Variants in DIP2B observed in about 807,000 individuals in gnomAD.
DIP2B encodes DIP2 acetate--CoA ligase B (putative).
A neutral mutation model predicts 198.0 loss-of-function variants in DIP2B; 76 were observed. The ratio of observed to expected loss-of-function variants is 0.38; its 90% CI spans 0.32 to 0.46. DIP2B has a LOEUF of 0.46. Ranked by LOEUF, DIP2B falls within the 20% of genes least tolerant of loss-of-function variation. The probability of loss-of-function intolerance (pLI) is 0.99; values close to 1 mark genes in which losing one functional copy is unlikely to be tolerated. For missense variants in DIP2B, 1,559 were observed against 1,978.4 expected (o/e 0.79, Z 4.02); for synonymous variants, 701 against 739.1 (o/e 0.95, Z 0.84).
At chr12:50,615,459 AG>A (rs1295098994) in intron 1 of DIP2B, among the ~76,000 whole-genome samples, 3 of 152,206 alleles carry the variant, frequency 2.0e-5, no homozygotes, top group Non-Finnish European at 4.4e-5. Flanking sequence ...TAGCATCCAA[AG>A]GCACTAACTT....
At chr12:50,663,904 A>G (rs982033037) in intron 4 of DIP2B, among the ~76,000 whole-genome samples, 12 of 151,818 alleles carry the variant, frequency 7.9e-5, no homozygotes, top group African/African-American at 2.9e-4. Flanking sequence ...AGCAAACAAA[A>G]AGTTGTACCA....
Position 50,686,591 on chromosome 12 carries a change from G to A in DIP2B, c.1460G>A (p.Trp487Ter). The A allele has an allele frequency of 6.2e-7, 1 of 1,613,984 alleles. No individual in the cohort carries two copies. Among genetic ancestry groups the A allele is most frequent in the Non-Finnish European group, 8.5e-7 (1 of 1,179,974 alleles). ...VQFKGWPRLK[W>*]VVTDSKYLSK... ...GATTTAGGTTGGCCCCGGCTCAAAT[G>A]GGTTGTAACAGATTCCAAGTACCTT... is the stretch of plus-strand genomic sequence containing the variant. The change falls in exon 12 of 38, where the codon TGG becomes TAG. Residue 487 changes from tryptophan to a stop codon, truncating the protein, a stop_gained. Coordinates refer to ENST00000301180, the MANE Select transcript of DIP2B (RefSeq NM_173602.3). LOFTEE classifies it high-confidence loss of function.
At chr12:50,647,790 A>G (rs1938376241) in intron 3 of DIP2B, among the ~76,000 whole-genome samples, 1 of 152,208 alleles carries the variant, frequency 6.6e-6, no homozygotes, top group Admixed American at 6.5e-5. Context: ...CATGGATCAT[A>G]TGCTAACCAC....
intron 3 of DIP2B, among the ~76,000 whole-genome samples, 186 bp from the exon 4 acceptor site, chr12:50,660,005 GCTT>G (rs1286334223): frequency 6.6e-6 from 1 of 151,390 alleles, no homozygotes; most frequent in African/African-American, 2.4e-5. Flanking sequence ...ATTATCCCTG[GCTT>G]CTTTTATTTT....
chr12:50,527,762 AATT>A (rs1958180089), intron 1 of DIP2B, among the ~76,000 whole-genome samples: 2 of 152,234 alleles, frequency 1.3e-5, no homozygotes, highest in South Asian at 4.1e-4. Context: ...TGATTAAAAT[AATT>A]ATTAAGTGTT....
chr12:50,710,951 A>G (rs560233191), intron 22 of DIP2B, among the ~76,000 whole-genome samples: 35 of 152,364 alleles, frequency 2.3e-4, no homozygotes, highest in Non-Finnish European at 4.3e-4. Context: ...ATTTTCAGTC[A>G]GAAACCTTAT....
intron 1 of DIP2B, among the ~76,000 whole-genome samples, chr12:50,582,145 G>GTTTTTTTTTTTTTT (rs367699036): frequency 3.9e-5 from 3 of 77,552 alleles, no homozygotes; most frequent in African/African-American, 1.9e-4. Flanking sequence ...CTTTTTTTCT[G>GTTTTTTTTTTTTTT]TTTTTTTTTT....
At chr12:50,660,808 G>A (rs918794646) in intron 4 of DIP2B, among the ~76,000 whole-genome samples, 24 of 152,266 alleles carry the variant, frequency 1.6e-4, no homozygotes, top group African/African-American at 5.5e-4. Flanking sequence ...ATGCAAAGTT[G>A]TGATGGACCT....
chr12:50,734,036 T>C, intron 32 of DIP2B, 99 bp from the exon 33 acceptor site: 1 of 1,297,126 alleles, frequency 7.7e-7, no homozygotes, highest in South Asian at 1.2e-5. Flanking sequence ...GAAAAGAGTG[T>C]GGATTTTTCA....
Position 50,600,402 on chromosome 12 carries a change from G to A in DIP2B, c.101-25574G>A, listed in dbSNP as rs186399253. Among the ~76,000 whole-genome samples, 93 of 152,292 alleles carry A rather than the reference G, an allele frequency of 6.1e-4. 1 individual carries two copies. Among genetic ancestry groups the A allele is most frequent in the African/African-American group, 2.2e-3 (91 of 41,560 alleles). On this transcript the variant is annotated intron_variant, in intron 1 of 37. Transcript: ENST00000301180. ...TGTCCTTGTTGTAGCGTGCATAAAT[G>A]TGGGTATCAATAATACTTTGCAAAT...
In DIP2B at chr12:50,586,871, CA is replaced by C. The variant is rs1200554334; in HGVS notation, c.101-39099del. On this transcript the variant is annotated intron_variant, in intron 1 of 37. Coordinates refer to ENST00000301180, the MANE Select transcript of DIP2B (RefSeq NM_173602.3). ...TACAGGCGTGAGCCACTGTGCCCGG[CA>C]AAAAATTTTTTTAAATAAAAAGCTA... 2.0e-5 allele frequency among the ~76,000 whole-genome samples: 3 copies of C among 152,246 alleles called. No individual in the cohort carries two copies. The East Asian group carries it at 5.8e-4, about 29-fold the overall frequency.
At chr12:50,556,787 G>C (rs906948701) in intron 1 of DIP2B, among the ~76,000 whole-genome samples, 2 of 152,092 alleles carry the variant, frequency 1.3e-5, no homozygotes, top group African/African-American at 4.8e-5. Context: ...TTGGCTCACT[G>C]CAACCTCCAC....
intron 1 of DIP2B, among the ~76,000 whole-genome samples, chr12:50,517,961 G>A (rs1334412026): frequency 6.6e-6 from 1 of 152,182 alleles, no homozygotes; most frequent in Admixed American, 6.6e-5. Context: ...GTTATTGAGA[G>A]CTTATGATGT....
At chr12:50,579,616 A>G (rs1958696931) in intron 1 of DIP2B, among the ~76,000 whole-genome samples, 1 of 13,198 alleles carries the variant, frequency 7.6e-5, no homozygotes, top group Non-Finnish European at 1.4e-4. Flanking sequence ...CGTCTCAAAA[A>G]AAAAAAAAAA....
intron 22 of DIP2B, among the ~76,000 whole-genome samples, chr12:50,713,436 A>G (rs1173559997): frequency 1.3e-5 from 2 of 152,262 alleles, no homozygotes; most frequent in Admixed American, 6.5e-5. Context: ...CAGTTAACAT[A>G]ATATTTAATT....
intron 2 of DIP2B, among the ~76,000 whole-genome samples, chr12:50,627,967 C>G (rs1211043943): frequency 2.6e-5 from 4 of 152,224 alleles, no homozygotes; most frequent in Non-Finnish European, 5.9e-5. Context: ...ATCCCAACCC[C>G]TCCTCCTTTT....
intron 1 of DIP2B, among the ~76,000 whole-genome samples, chr12:50,610,080 C>T (rs568308285): frequency 6.6e-6 from 1 of 152,288 alleles, no homozygotes; most frequent in East Asian, 1.9e-4. Context: ...CCAAACCCAA[C>T]ATTTGATTAT....
intron 1 of DIP2B, among the ~76,000 whole-genome samples, chr12:50,575,649 G>A (rs148062876): frequency 7.6e-4 from 116 of 152,294 alleles, no homozygotes; most frequent in Non-Finnish European, 3.4e-4. Context: ...CTCCCAAAGT[G>A]CTGGGATTAC....
intron 23 of DIP2B, among the ~76,000 whole-genome samples, chr12:50,716,926 C>T (rs565040130): frequency 2.0e-4 from 27 of 135,820 alleles, no homozygotes; most frequent in African/African-American, 6.1e-4. Context: ...GAGGAACACC[C>T]ATGTAGCCTA....
Sources: gnomAD v4.1 joint callset for allele counts (sites outside exome capture counted in the v4.1 genomes callset) on GRCh38, gnomAD v4.1.1 for gene constraint, MANE v1.5 for transcripts, NCBI Gene and HGNC (gene_info 2026-07-23, HGNC 2026-07-21) for gene names.